The following SEC24D variants were observed in gnomAD, a reference collection of about 807,000 sequenced individuals.
SEC24D encodes protein transport protein Sec24D.
A neutral mutation model predicts 116.9 loss-of-function variants in SEC24D; 69 were observed. The ratio of observed to expected loss-of-function variants is 0.59; its 90% CI spans 0.49 to 0.72. SEC24D has a LOEUF of 0.72. Among genes scored for constraint, SEC24D ranks in the 30% least tolerant of loss-of-function variants. The probability of loss-of-function intolerance (pLI) is 0.00; values close to 1 mark genes in which losing one functional copy is unlikely to be tolerated. For missense variants in SEC24D, 1,131 were observed against 1,264.1 expected (o/e 0.89, Z 1.60); for synonymous variants, 405 against 442.8 (o/e 0.91, Z 1.07).
At chr4:118,748,764 A>ACTGT (rs1337418803) in intron 13 of SEC24D, among the ~76,000 whole-genome samples, 2 of 151,882 alleles carry the variant, frequency 1.3e-5, no homozygotes, top group African/African-American at 4.8e-5. Flanking sequence ...TAAGTATCCT[A>ACTGT]CTGTCTTCTC....
chr4:118,738,152 G>T, intron 19 of SEC24D, 109 bp downstream of exon 19: 3 of 754,236 alleles, frequency 4.0e-6, no homozygotes, highest in Admixed American at 2.2e-5. Context: ...ACTGTTTACT[G>T]TAACAGCATC....
At chr4:118,831,031 CTTGT>C (rs371659465) in intron 2 of SEC24D, among the ~76,000 whole-genome samples, 11 of 151,954 alleles carry the variant, frequency 7.2e-5, no homozygotes, top group African/African-American at 2.4e-4. Flanking sequence ...GGTTTTTTTG[CTTGT>C]TTGTTTGAGA....
intron 1 of SEC24D, among the ~76,000 whole-genome samples, chr4:118,835,163 C>T (rs1560778599): frequency 1.3e-5 from 2 of 152,146 alleles, no homozygotes; most frequent in Admixed American, 6.5e-5. Context: ...CTTAGGAAGT[C>T]GGCACGAACA....
Position 118,739,259 on chromosome 4 carries a change from C to G in SEC24D, c.2267G>C (p.Gly756Ala). 1.2e-6 allele frequency: 2 copies of G among 1,613,642 alleles called. No homozygotes were observed. Among genetic ancestry groups the G allele is most frequent in the Non-Finnish European group, 1.7e-6 (2 of 1,179,650 alleles). Residue 756 changes from glycine (G) to alanine (A), a missense_variant, in exon 18 of 23, where the codon GGT (glycine) becomes GCT (alanine). By Grantham distance (60) the Gly-to-Ala change is moderately conservative (BLOSUM62 0). Transcript: ENST00000280551. ...ATTGTGAATCCGAAGTCTTCTTTGACCACTGATTGTCGTGTAAAGCACAGC... is the reference window on the plus strand; with the variant it reads ...ATTGTGAATCCGAAGTCTTCTTTGAGCACTGATTGTCGTGTAAAGCACAGC... ...QCAVLYTTIS[G>A]QRRLRIHNLG...
Position 118,797,827 on chromosome 4 carries a change from G to A in SEC24D, c.914-17C>T, listed in dbSNP as rs1363542827. On this transcript the variant is annotated splice_polypyrimidine_tract_variant and intron_variant, in intron 7 of 22. Transcript: ENST00000280551. ...TGGCATTTCCTGAAACATTCAAAAGGATACACTTAAAACTTGTTTAGAAAA... is the reference window on the plus strand; with the variant it reads ...TGGCATTTCCTGAAACATTCAAAAGAATACACTTAAAACTTGTTTAGAAAA... The A allele has an allele frequency of 1.9e-6, 3 of 1,568,380 alleles. No homozygotes were observed. The highest frequency in any genetic ancestry group is 4.5e-5 in the East Asian group (2 of 44,300).
intron 7 of SEC24D, among the ~76,000 whole-genome samples, chr4:118,801,033 G>A (rs752478741): frequency 4.6e-5 from 7 of 152,076 alleles, no homozygotes; most frequent in East Asian, 3.9e-4. Flanking sequence ...AGGCCGAGAC[G>A]GGTGGATCAC....
At chr4:118,781,254 C>A (rs1408682411) in intron 8 of SEC24D, among the ~76,000 whole-genome samples, 3 of 152,056 alleles carry the variant, frequency 2.0e-5, no homozygotes, top group African/African-American at 7.2e-5. Flanking sequence ...TTTAGTGCTT[C>A]CTTCAGGAGC....
chr4:118,807,269 A>G (rs1302527834), intron 6 of SEC24D, among the ~76,000 whole-genome samples: 2 of 152,190 alleles, frequency 1.3e-5, no homozygotes, highest in African/African-American at 4.8e-5. Context: ...TCTAATGTGG[A>G]AACATCTGAT....
rs570681585 is a variant in SEC24D, at chr4:118,747,836, TA to T, written c.1708-2777del. Among the ~76,000 whole-genome samples, 537 of 152,280 alleles carry T rather than the reference TA, an allele frequency of 3.5e-3. 3 individuals are homozygous for T. Among genetic ancestry groups the T allele is most frequent in the African/African-American group, 0.012 (508 of 41,560 alleles). Reference sequence around the variant, plus strand: ...ATTATCCGAATGACACTGGACAAATTATTTAACTTCTCTAATTCTCAATTAT... The same window carrying T: ...ATTATCCGAATGACACTGGACAAATTTTTAACTTCTCTAATTCTCAATTAT... On this transcript the variant is annotated intron_variant, in intron 13 of 22. Coordinates refer to ENST00000280551, the MANE Select transcript of SEC24D (RefSeq NM_014822.4).
chr4:118,735,689 GCTTTT>G (rs1725922430), intron 19 of SEC24D: 2 of 131,262 alleles, frequency 1.5e-5, no homozygotes, highest in South Asian at 4.9e-4. Flanking sequence ...CTTAAAGTTT[GCTTTT>G]TTTTTTTTTT....
intron 2 of SEC24D, among the ~76,000 whole-genome samples, chr4:118,831,211 T>C (rs939222700): frequency 1.3e-5 from 2 of 152,110 alleles, no homozygotes; most frequent in Non-Finnish European, 2.9e-5. Flanking sequence ...ATTTTTTTAG[T>C]AGAGACCGGG....
intron 8 of SEC24D, among the ~76,000 whole-genome samples, chr4:118,777,580 T>C (rs968876185): frequency 1.3e-5 from 2 of 152,238 alleles, no homozygotes; most frequent in East Asian, 1.9e-4. Context: ...TACATGTGCA[T>C]GTGTCTTTAT....
At chr4:118,739,115 G>C in intron 18 of SEC24D, 34 bp downstream of exon 18, 1 of 1,609,918 alleles carries the variant, frequency 6.2e-7, no homozygotes, top group Non-Finnish European at 8.5e-7. Context: ...TACTAAGCAA[G>C]GTTTACTGAA....
intron 10 of SEC24D, among the ~76,000 whole-genome samples, chr4:118,760,761 G>A (rs901525185): frequency 1.3e-5 from 2 of 151,992 alleles, no homozygotes; most frequent in South Asian, 2.1e-4. Flanking sequence ...GGGCTGGAGT[G>A]CAGTGGTGCG....
chr4:118,752,054 G>C lies in SEC24D; in HGVS notation c.1649C>G (p.Ser550Cys), dbSNP rs541375443. 2 of 1,613,106 alleles carry C rather than the reference G, an allele frequency of 1.2e-6. No homozygotes were observed. Among genetic ancestry groups the C allele is most frequent in the East Asian group, 4.5e-5 (2 of 44,822 alleles). The stretch of plus-strand genomic sequence containing the variant: ...AGCAAAGACAGTCTCATTTTCATTA[G>C]AGTCTGCAAACATGTCTGGAATCTG... ...LDQIPDMFAD[S>C]NENETVFAPV... Residue 550 changes from serine (S) to cysteine (C), a missense_variant, in exon 13 of 23, where the codon TCT (serine) becomes TGT (cysteine). Physicochemically the swap from Ser to Cys is moderately radical, Grantham distance 112 (BLOSUM62 -1). Coordinates refer to ENST00000280551, the MANE Select transcript of SEC24D (RefSeq NM_014822.4).
chr4:118,811,366 G>A (rs1029806536), intron 6 of SEC24D, among the ~76,000 whole-genome samples: 1 of 152,236 alleles, frequency 6.6e-6, no homozygotes, highest in African/African-American at 2.4e-5. Flanking sequence ...TGATGCAAGA[G>A]AAAGGGGATG....
At chr4:118,724,084 A>ATG (rs1278704083) in intron 22 of SEC24D, among the ~76,000 whole-genome samples, 12 of 152,322 alleles carry the variant, frequency 7.9e-5, no homozygotes, top group Admixed American at 2.6e-4. Flanking sequence ...TCTGTAGGAA[A>ATG]TGTGATCCAG....
At chr4:118,799,108 G>A (rs1318272941) in intron 7 of SEC24D, among the ~76,000 whole-genome samples, 1 of 152,226 alleles carries the variant, frequency 6.6e-6, no homozygotes, top group African/African-American at 2.4e-5. Flanking sequence ...AGACCATGTG[G>A]AGGCTGCTGC....
intron 13 of SEC24D, 119 bp downstream of exon 13, chr4:118,751,877 C>T (rs1018011424): frequency 1.4e-6 from 1 of 721,996 alleles, no homozygotes; most frequent in Non-Finnish European, 2.4e-6. Context: ...TTGGAATAGC[C>T]TCTAGTGACC....
Sources: allele counts gnomAD v4.1 joint callset (sites outside exome capture counted in the v4.1 genomes callset), GRCh38; gene constraint gnomAD v4.1.1; transcripts MANE v1.5; gene names NCBI Gene and HGNC (gene_info 2026-07-23, HGNC 2026-07-21).